FMO3: variants seen among roughly 807,000 people sequenced by gnomAD.
FMO3 encodes flavin containing dimethylaniline monoxygenase 3.
A neutral mutation model predicts 39.4 loss-of-function variants in FMO3; 40 were observed. The ratio of observed to expected loss-of-function variants is 1.02; its 90% confidence interval spans 0.79 to 1.32. The LOEUF is 1.32. FMO3 is among the 40% of genes most tolerant of loss of function. The pLI is 0.00. For missense variants in FMO3, 680 were observed against 651.8 expected, an observed-to-expected ratio of 1.04 and a Z score of -0.47; for synonymous variants, 219 against 228.8, an observed-to-expected ratio of 0.96 and a Z score of 0.39.
chr1:171,108,300 G>C, intron 5 of FMO3, 79 bp downstream of exon 5: 1 of 1,544,954 alleles, frequency 6.5e-7, no homozygotes, highest in Admixed American at 1.7e-5. Context: ...GATATGAAAT[G>C]TGGGGGAGGA....
chr1:171,101,060 C>T (rs1382758657), intron 2 of FMO3: 1 of 455,426 alleles, frequency 2.2e-6, no homozygotes, highest in African/African-American at 2.0e-5. Context: ...ATGCTATGCT[C>T]TATCTTTGAT....
chr1:171,101,631 G>C (rs1020114713), intron 2 of FMO3: 4 of 467,118 alleles, frequency 8.6e-6, no homozygotes, highest in African/African-American at 6.0e-5. Flanking sequence ...TGTTGGAGCT[G>C]TTTACTACAG....
chr1:171,092,698 G>A lies in FMO3; in HGVS notation c.40G>A (p.Gly14Ser), dbSNP rs774602261. ...GGCCATCATTGGAGCTGGTGTGAGT[G>A]GCTTGGCCTCCATCAGGAGCTGTCT... ...KVAIIGAGVS[G>S]LASIRSCLEE... Residue 14 changes from glycine (G) to serine (S), a missense_variant, in exon 2 of 9, where the codon GGC becomes AGC. Transcript: ENST00000367755. 1 of 1,614,150 alleles carries A rather than the reference G, an allele frequency of 6.2e-7. No homozygotes were observed. Among genetic ancestry groups the A allele is most frequent in the Non-Finnish European group, 8.5e-7 (1 of 1,179,986 alleles).
chr1:171,106,759 A>T (rs1430093093), intron 3 of FMO3, among the ~76,000 whole-genome samples: 1 of 152,190 alleles, frequency 6.6e-6, no homozygotes, highest in East Asian at 1.9e-4. Context: ...AAAAAGAGTT[A>T]GGCAAGGTGG....
At chr1:171,101,347 G>T in intron 2 of FMO3, 1 of 393,536 alleles carries the variant, frequency 2.5e-6, no homozygotes, top group Non-Finnish European at 5.0e-6. Flanking sequence ...AATACCTTTG[G>T]TTTTTCAGCG....
At chr1:171,097,183 T>C (rs1051479681) in intron 2 of FMO3, among the ~76,000 whole-genome samples, 2 of 146,078 alleles carry the variant, frequency 1.4e-5, no homozygotes, top group African/African-American at 2.6e-5. Context: ...CTTAATCCAG[T>C]CTATCATTGT....
intron 8 of FMO3, 131 bp from the exon 9 acceptor site, chr1:171,116,969 G>A (rs1248688067): frequency 5.5e-6 from 4 of 728,964 alleles, no homozygotes; most frequent in African/African-American, 3.5e-5. Context: ...AGGGTAGTGT[G>A]GGAAATTTTT....
At chr1:171,095,916 AT>A (rs373816389) in intron 2 of FMO3, among the ~76,000 whole-genome samples, 5 of 202 alleles carry the variant, frequency 0.025, no homozygotes, top group East Asian at 0.5. Flanking sequence ...GTATAAATAT[AT>A]ATTTATATAA....
chr1:171,093,869 C>A (rs2101893927), intron 2 of FMO3, among the ~76,000 whole-genome samples: 1 of 117,232 alleles, frequency 8.5e-6, no homozygotes, highest in African/African-American at 3.3e-5. Context: ...GAGTCTCACT[C>A]TGTCTCCCAG....
In FMO3 at chr1:171,103,906, G is replaced by A. The variant is rs762821603; in HGVS notation, c.254G>A (p.Ser85Asn). 1 of 1,613,800 alleles carries A rather than the reference G, an allele frequency of 6.2e-7. No homozygotes were observed. The highest frequency in any genetic ancestry group is 8.5e-7 in the Non-Finnish European group (1 of 1,179,804). Residue 85 changes from serine (S) to asparagine (N), a missense_variant, in exon 3 of 9, where the codon AGC becomes AAC. By Grantham distance (46) the Ser-to-Asn change is conservative (BLOSUM62 1). Transcript: ENST00000367755. ...GACTTCCCCAACTTTATGCACAACA[G>A]CAAGATCCAGGAATATATCATTGCA... ...PDDFPNFMHNSKIQEYIIAFA... is the reference protein window; with the variant it reads ...PDDFPNFMHNNKIQEYIIAFA...
Position 171,103,885 on chromosome 1 carries a change from TC to T in FMO3, c.237del (p.Asn80ThrfsTer22), listed in dbSNP as rs777700920. The T allele has an allele frequency of 1.2e-6, 2 of 1,613,892 alleles. No homozygotes were observed. The highest frequency in any genetic ancestry group is 3.3e-5 in the Admixed American group (2 of 59,970). On this transcript the variant is annotated frameshift_variant, in exon 3 of 9. Transcript: ENST00000367755. LOFTEE classifies it high-confidence loss of function. ...CCAGACTTCCCATTTCCCGATGACT[TC>T]CCCAACTTTATGCACAACAGCAAGA... ...CFPDFPFPDD[F>X]PNFMHNSKIQ...
At chr1:171,096,030 A>AAATATATAATGTATATTATATAT (rs1557932978) in intron 2 of FMO3, among the ~76,000 whole-genome samples, 1 of 60,006 alleles carries the variant, frequency 1.7e-5, no homozygotes, top group Non-Finnish European at 2.8e-5. Flanking sequence ...ATATTAATAT[A>AAATATATAATGTATATTATATAT]TAATATATAT....
At chr1:171,113,261 C>T (rs571563529) in intron 6 of FMO3, among the ~76,000 whole-genome samples, 11 of 152,280 alleles carry the variant, frequency 7.2e-5, no homozygotes, top group African/African-American at 2.4e-4. Flanking sequence ...TAGTCCAAAG[C>T]TCTCTCTTTC....
At chr1:171,100,392 C>G (rs998846491) in intron 2 of FMO3, 41 of 152,338 alleles carry the variant, frequency 2.7e-4, no homozygotes, top group African/African-American at 9.6e-4. Flanking sequence ...GGAATTTGTC[C>G]TACTGGATTT....
chr1:171,102,283 T>C (rs2101906657), intron 2 of FMO3, among the ~76,000 whole-genome samples: 1 of 152,360 alleles, frequency 6.6e-6, no homozygotes, highest in African/African-American at 2.4e-5. Context: ...TAGAAGTTTC[T>C]AGTGCTCAGT....
intron 2 of FMO3, chr1:171,100,816 T>A: frequency 3.8e-6 from 1 of 266,136 alleles, no homozygotes; most frequent in Non-Finnish European, 7.5e-6. Context: ...CTCAAAGATA[T>A]CACATCCAAA....
intron 2 of FMO3, among the ~76,000 whole-genome samples, chr1:171,098,834 A>G (rs1433355711): frequency 1.3e-5 from 2 of 152,184 alleles, no homozygotes; most frequent in Non-Finnish European, 2.9e-5. Flanking sequence ...TATGTTGAAT[A>G]GGAGTGGTGT....
intron 3 of FMO3, among the ~76,000 whole-genome samples, chr1:171,104,502 G>A (rs1265363572): frequency 6.6e-6 from 1 of 151,984 alleles, no homozygotes. Context: ...ATAGAATGAA[G>A]GGGATATAAA....
rs893223321 is a variant in FMO3, at chr1:171,110,882, C to G, written c.712C>G (p.Arg238Gly). 3.1e-6 allele frequency: 5 copies of G among 1,613,858 alleles called. No homozygotes were observed. Among genetic ancestry groups the G allele is most frequent in the African/African-American group, 1.3e-5 (1 of 74,902 alleles). Residue 238 changes from arginine to glycine, a missense_variant, in exon 6 of 9, where the codon CGA (arginine) becomes GGA (glycine). Transcript: ENST00000367755. ...TCCTTGGGACATGCTGCTCGTCACT[C>G]GATTTGGAACCTTCCTCAAGAACAA... ...GYPWDMLLVT[R>G]FGTFLKNNLP...
Sources: gnomAD v4.1 joint callset for allele counts (sites outside exome capture counted in the v4.1 genomes callset) on GRCh38, gnomAD v4.1.1 for gene constraint, MANE v1.5 for transcripts, NCBI Gene and HGNC (gene_info 2026-07-23, HGNC 2026-07-21) for gene names.